Variants in TNIK observed in about 807,000 individuals in gnomAD.
TNIK encodes TRAF2 and NCK-interacting protein kinase.
A neutral mutation model predicts 191.3 loss-of-function variants in TNIK; 49 were observed. The ratio of observed to expected loss-of-function variants is 0.26; its 90% CI spans 0.20 to 0.32. The LOEUF is 0.32. Ranked by LOEUF, TNIK falls within the 10% of genes least tolerant of loss-of-function variation. The pLI, the probability that TNIK is intolerant of heterozygous loss-of-function variation, is 1.00. For synonymous variants in TNIK, 594 were observed against 600.9 expected, an observed-to-expected ratio of 0.99 and a Z score of 0.17; for missense variants, 1,155 against 1,702.3, an observed-to-expected ratio of 0.68 and a Z score of 5.66.
intron 4 of TNIK, among the ~76,000 whole-genome samples, chr3:171,208,972 C>A (rs1014557935): frequency 6.6e-6 from 1 of 151,922 alleles, no homozygotes; most frequent in Non-Finnish European, 1.5e-5. Context: ...TACATACATC[C>A]TTATGTAGTT....
In TNIK at chr3:171,110,869, T is replaced by C; in HGVS notation, c.2129A>G (p.Asp710Gly). Reference sequence around the variant, plus strand: ...CAAGATGGGCTCAGTTCTCCGGAGATCAGGGTTGCTGTGTGAGTGACAGAG... The same window carrying C: ...CAAGATGGGCTCAGTTCTCCGGAGACCAGGGTTGCTGTGTGAGTGACAGAG... ...GSQPIRASNP[D>G]LRRTEPILES... Residue 710 changes from aspartate to glycine, a missense_variant, in exon 19 of 33, where the codon GAT becomes GGT. Asp to Gly is a moderately conservative substitution (Grantham distance 94). Coordinates refer to ENST00000436636, the MANE Select transcript of TNIK (RefSeq NM_015028.4). The C allele has an allele frequency of 6.2e-7, 1 of 1,601,728 alleles. No homozygotes were observed. The highest frequency in any genetic ancestry group is 2.2e-5 in the East Asian group (1 of 44,540).
chr3:171,203,516 T>C (rs1282656174), intron 4 of TNIK, among the ~76,000 whole-genome samples: 1 of 152,164 alleles, frequency 6.6e-6, no homozygotes, highest in Admixed American at 6.5e-5. Context: ...TCAGGCCCAA[T>C]ATTTCTAGAT....
chr3:171,262,186 T>C (rs7627954), intron 2 of TNIK, among the ~76,000 whole-genome samples: 84,383 of 151,826 alleles, frequency 0.56, 24,127 homozygotes, highest in African/African-American at 0.67. Context: ...TCCCTTCGTT[T>C]TGTTTAGAAA....
At chr3:171,376,746 TGATAGATAGATAGATA>T (rs3084308) in intron 1 of TNIK, among the ~76,000 whole-genome samples, 25 of 148,782 alleles carry the variant, frequency 1.7e-4, no homozygotes, top group Admixed American at 4.0e-4. Context: ...GATAGATAGA[TGATAGATAGATAGATA>T]GATAGATAGA....
chr3:171,388,963 A>G (rs12630263), intron 1 of TNIK, among the ~76,000 whole-genome samples: 78,095 of 151,678 alleles, frequency 0.51, 21,304 homozygotes, highest in African/African-American at 0.67. Flanking sequence ...AGTGTTACAC[A>G]AAGGAGTTGA....
chr3:171,092,860 G>A (rs1722239757), intron 23 of TNIK, among the ~76,000 whole-genome samples: 1 of 152,182 alleles, frequency 6.6e-6, no homozygotes, highest in Admixed American at 6.5e-5. Context: ...GGCTGAAGAG[G>A]AAAAACAGAT....
intron 19 of TNIK, 56 bp from the exon 20 acceptor site, chr3:171,108,218 C>T (rs1560123513): frequency 2.9e-6 from 4 of 1,366,568 alleles, no homozygotes; most frequent in Non-Finnish European, 3.9e-6. Context: ...AGTGCTGGCT[C>T]AAGTTCTGAA....
chr3:171,254,612 G>C (rs1359260705), intron 2 of TNIK, among the ~76,000 whole-genome samples: 1 of 152,148 alleles, frequency 6.6e-6, no homozygotes, highest in African/African-American at 2.4e-5. Context: ...AGAAAACAAT[G>C]ATCATTACTG....
chr3:171,218,133 T>C (rs1225811102), intron 3 of TNIK, among the ~76,000 whole-genome samples: 2 of 152,182 alleles, frequency 1.3e-5, no homozygotes, highest in African/African-American at 2.4e-5. Context: ...TCCACATTTA[T>C]AGATGTAGAA....
At chr3:171,111,500 A>T (rs1394831195) in intron 18 of TNIK, among the ~76,000 whole-genome samples, 5 of 152,216 alleles carry the variant, frequency 3.3e-5, no homozygotes, top group Non-Finnish European at 5.9e-5. Context: ...TTTTCAAAAG[A>T]CAAAAGATAA....
At chr3:171,107,096 T>C (rs760939675) in intron 21 of TNIK, 87 bp downstream of exon 21, 12 of 1,401,460 alleles carry the variant, frequency 8.6e-6, no homozygotes, top group Non-Finnish European at 1.1e-5. Context: ...ATTGCTCCCA[T>C]TGGCCACCTT....
Position 171,084,141 on chromosome 3 carries a change from AAG to A in TNIK, c.3169+12_3169+13del. 4 of 1,528,000 alleles carry A rather than the reference AAG, an allele frequency of 2.6e-6. No individual in the cohort carries two copies. The highest frequency in any genetic ancestry group is 2.6e-6 in the Non-Finnish European group (3 of 1,142,158). 94.7% of individuals were successfully genotyped at this position (1,528,000 alleles called of 1,614,324 possible). A position where few individuals can be genotyped will look rare whatever the true frequency, so the allele number is the denominator to read the frequency against. On this transcript the variant is annotated intron_variant, in intron 26 of 32. Coordinates refer to ENST00000436636, the MANE Select transcript of TNIK (RefSeq NM_015028.4). ...GGTTATTTAAAAAAAAAAAAAAAAA[AAG>A]CACCAACATACCCCACAGAGCTGCA...
chr3:171,167,186 A>G lies in TNIK; in HGVS notation c.858T>C (p.His286=), dbSNP rs572508581. The G allele has an allele frequency of 6.2e-7, 1 of 1,613,908 alleles. No homozygotes were observed. The highest frequency in any genetic ancestry group is 8.5e-7 in the Non-Finnish European group (1 of 1,179,880). The stretch of plus-strand genomic sequence containing the variant: ...CATTAGGTTGGTCTCGTATAAATGG[A>G]TGCTTCATCAATTGTTCTGTTGCTG... ...QRPATEQLMK[H]PFIRDQPNER... is the part of the protein sequence containing the mutation. The change falls in exon 10 of 33, where the codon CAT becomes CAC. Residue 286 remains histidine (H), a synonymous_variant. Coordinates refer to ENST00000436636, the MANE Select transcript of TNIK (RefSeq NM_015028.4).
intron 12 of TNIK, among the ~76,000 whole-genome samples, chr3:171,146,901 A>T (rs1357780980): frequency 6.6e-6 from 1 of 151,178 alleles, no homozygotes; most frequent in Non-Finnish European, 1.5e-5. Flanking sequence ...CTCAAAAAAA[A>T]AAAAAAAAAA....
chr3:171,153,696 C>G (rs1732773990), intron 12 of TNIK, among the ~76,000 whole-genome samples: 1 of 152,182 alleles, frequency 6.6e-6, no homozygotes, highest in South Asian at 2.1e-4. Context: ...AATGGTTTCC[C>G]ACTCTTCTTA....
chr3:171,289,815 T>C (rs556888433), intron 2 of TNIK, among the ~76,000 whole-genome samples: 1 of 147,230 alleles, frequency 6.8e-6, no homozygotes, highest in South Asian at 2.1e-4. Flanking sequence ...GGCAGGAGAA[T>C]CACTTGAACC....
At chr3:171,303,199 TGTAAA>T (rs1434748099) in intron 2 of TNIK, among the ~76,000 whole-genome samples, 1 of 152,146 alleles carries the variant, frequency 6.6e-6, no homozygotes, top group African/African-American at 2.4e-5. Context: ...TCAATTATAG[TGTAAA>T]GTAAATAGAC....
In TNIK at chr3:171,157,598, G is replaced by A. The variant is rs1347306056; in HGVS notation, c.1083C>T (p.Asn361=). ...RRDFLRLQLA[N]KERSEALRRQ... ...TCCGTAGGGCCTCAGAACGCTCCTT[G>A]TTGGCCAGCTGCAGCCTCAGAAAGT... The change falls in exon 12 of 33, where the codon AAC becomes AAT. Residue 361 remains asparagine, a synonymous_variant. Transcript: ENST00000436636. The A allele has an allele frequency of 6.4e-7, 1 of 1,556,910 alleles. No individual in the cohort carries two copies. Among genetic ancestry groups the A allele is most frequent in the Non-Finnish European group, 8.7e-7 (1 of 1,150,340 alleles).
At chr3:171,453,120 C>T (rs1321065449) in intron 1 of TNIK, among the ~76,000 whole-genome samples, 1 of 152,188 alleles carries the variant, frequency 6.6e-6, no homozygotes, top group Admixed American at 6.5e-5. Flanking sequence ...AAGGGTTGCA[C>T]AGTATATATT....
Sources: gnomAD v4.1 joint callset for allele counts (sites outside exome capture counted in the v4.1 genomes callset) on GRCh38, gnomAD v4.1.1 for gene constraint, MANE v1.5 for transcripts, NCBI Gene and HGNC (gene_info 2026-07-23, HGNC 2026-07-21) for gene names.